The following NEDD4L variants were observed in gnomAD, a reference collection of about 807,000 sequenced individuals.
NEDD4L encodes the protein NEDD4 like E3 ubiquitin protein ligase.
NEDD4L carries 54 observed loss-of-function variants against 148.9 expected under a neutral mutation model. That is an observed-to-expected ratio of 0.36 (90% confidence interval 0.29 to 0.45). The LOEUF is 0.45. NEDD4L is among the 20% of genes least tolerant of loss of function. The pLI is 1.00. For missense variants in NEDD4L, 856 were observed against 1,233.8 expected, an observed-to-expected ratio of 0.69 and a Z score of 4.59; for synonymous variants, 433 against 440.7, an observed-to-expected ratio of 0.98 and a Z score of 0.22.
chr18:58,223,304 A>G lies in NEDD4L; in HGVS notation c.123-22123A>G, dbSNP rs17833779. 3.4e-3 allele frequency among the ~76,000 whole-genome samples: 513 copies of G among 152,298 alleles called. 5 individuals are homozygous for G. The highest frequency in any genetic ancestry group is 0.024 in the Admixed American group (374 of 15,294). ...CAACTAAATGTTGATTTAAAACGAC[A>G]CATTTGGGACATTTTCTTGGCACTG... On this transcript the variant is annotated intron_variant, in intron 2 of 30. Transcript: ENST00000400345.
chr18:58,147,411 T>G (rs904212289), intron 1 of NEDD4L, among the ~76,000 whole-genome samples: 7 of 152,168 alleles, frequency 4.6e-5, no homozygotes, highest in Admixed American at 2.0e-4. Flanking sequence ...GGGGGCAGAA[T>G]CACCCCCTCC....
At chr18:58,286,368 T>A (rs2053904979) in intron 5 of NEDD4L, among the ~76,000 whole-genome samples, 1 of 152,152 alleles carries the variant, frequency 6.6e-6, no homozygotes, top group Non-Finnish European at 1.5e-5. Flanking sequence ...TTGGAAAAAA[T>A]TTGTTGTCCT....
intron 1 of NEDD4L, among the ~76,000 whole-genome samples, chr18:58,111,562 A>G (rs577441236): frequency 1.3e-5 from 2 of 152,266 alleles, no homozygotes; most frequent in South Asian, 2.1e-4. Flanking sequence ...GCTTCTTTCA[A>G]TTAGTGGAGT....
chr18:58,367,387 G>C (rs2046252767), intron 21 of NEDD4L, among the ~76,000 whole-genome samples: 1 of 152,192 alleles, frequency 6.6e-6, no homozygotes, highest in African/African-American at 2.4e-5. Flanking sequence ...TCATCACAGA[G>C]ACGACCTAAA....
rs915951201 is a variant in NEDD4L at position 58,057,427 on chromosome 18, C to T, written c.48+12719C>T. 4.6e-5 allele frequency among the ~76,000 whole-genome samples: 7 copies of T among 152,110 alleles called. No homozygotes were observed. In the East Asian group the frequency reaches 5.8e-4, roughly 13 times the overall value. On this transcript the variant is annotated intron_variant, in intron 1 of 30. Coordinates refer to ENST00000400345, the MANE Select transcript of NEDD4L (RefSeq NM_001144967.3). ...CTGGCTGAACAGGAACAGCTGGGAG[C>T]GTTTGCTTTGGTCAGCCGGTCTGGC...
At chr18:58,137,724 T>TA (rs2146074696) in intron 1 of NEDD4L, among the ~76,000 whole-genome samples, 1 of 152,272 alleles carries the variant, frequency 6.6e-6, no homozygotes, top group East Asian at 1.9e-4. Flanking sequence ...TCCAACCACA[T>TA]ACCCTGTCGC....
At chr18:58,331,529 T>C (rs545318633) in intron 11 of NEDD4L, among the ~76,000 whole-genome samples, 2 of 152,328 alleles carry the variant, frequency 1.3e-5, no homozygotes, top group East Asian at 3.9e-4. Flanking sequence ...AGAAACATAC[T>C]TTCTAGAAGC....
chr18:58,190,479 A>G (rs1458388259), intron 2 of NEDD4L, among the ~76,000 whole-genome samples: 1 of 152,224 alleles, frequency 6.6e-6, no homozygotes, highest in Non-Finnish European at 1.5e-5. Context: ...ATTGGTTTGT[A>G]TAATTTGATC....
At chr18:58,130,479 G>A (rs71355679) in intron 1 of NEDD4L, among the ~76,000 whole-genome samples, 6 of 121,712 alleles carry the variant, frequency 4.9e-5, no homozygotes, top group South Asian at 3.2e-4. Context: ...GAACTGTGGC[G>A]GTGTTGGGCT....
intron 5 of NEDD4L, among the ~76,000 whole-genome samples, chr18:58,270,178 C>T (rs572087871): frequency 1.3e-5 from 2 of 152,306 alleles, no homozygotes; most frequent in East Asian, 1.9e-4. Context: ...GATAACTCCA[C>T]GTCTTGAAAG....
chr18:58,323,407 T>A (rs938352935), intron 8 of NEDD4L, 73 bp downstream of exon 8: 1 of 830,610 alleles, frequency 1.2e-6, no homozygotes, highest in Non-Finnish European at 2.0e-6. Flanking sequence ...ACTTTATAAT[T>A]GAAGGAAATA....
At position 58,400,924 on chromosome 18, in the gene NEDD4L, T is replaced by C. The variant is rs1425120352; in HGVS notation, c.*4655T>C. On this transcript the variant is annotated 3_prime_UTR_variant, in exon 31 of 31. Transcript: ENST00000400345. ...TATATACATATATACGTACATATGCTGTCCAAATATATTTGTATATATTTG... is the reference window on the plus strand; with the variant it reads ...TATATACATATATACGTACATATGCCGTCCAAATATATTTGTATATATTTG... 1 of 152,236 alleles carries C rather than the reference T, an allele frequency of 6.6e-6. No individual in the cohort carries two copies. Among genetic ancestry groups the C allele is most frequent in the Admixed American group, 6.5e-5 (1 of 15,284 alleles). 9.4% of individuals were successfully genotyped at this position (152,236 alleles called of 1,614,324 possible).
chr18:58,247,601 CCTT>C (rs1045484274), intron 3 of NEDD4L: 2 of 152,482 alleles, frequency 1.3e-5, no homozygotes, highest in African/African-American at 4.8e-5. Flanking sequence ...GGTTTGCCCT[CCTT>C]CTCCTGCTGC....
At chr18:58,293,309 T>C (rs1319455499) in intron 5 of NEDD4L, among the ~76,000 whole-genome samples, 1 of 152,222 alleles carries the variant, frequency 6.6e-6, no homozygotes, top group East Asian at 1.9e-4. Flanking sequence ...TGATGAGAAA[T>C]GGCTTGTGCT....
intron 16 of NEDD4L, among the ~76,000 whole-genome samples, chr18:58,347,123 T>C (rs1464043308): frequency 2.0e-5 from 3 of 151,766 alleles, no homozygotes; most frequent in South Asian, 2.1e-4. Context: ...TCTTTGAAAT[T>C]CGGTTGACTT....
At chr18:58,090,182 G>A (rs572954987) in intron 1 of NEDD4L, among the ~76,000 whole-genome samples, 4 of 152,268 alleles carry the variant, frequency 2.6e-5, no homozygotes, top group African/African-American at 9.6e-5. Flanking sequence ...GTGGTTCTTA[G>A]TTAGCCTCAC....
At chr18:58,200,042 T>C (rs147736320) in intron 2 of NEDD4L, among the ~76,000 whole-genome samples, 1,611 of 152,350 alleles carry the variant, frequency 0.011, 10 homozygotes, top group Non-Finnish European at 0.016. Flanking sequence ...ACAAAATTGC[T>C]GCCATTTTGT....
chr18:58,331,881 C>T (rs2059818234), intron 11 of NEDD4L, among the ~76,000 whole-genome samples: 1 of 152,140 alleles, frequency 6.6e-6, no homozygotes, highest in Non-Finnish European at 1.5e-5. Flanking sequence ...ACAGTATACG[C>T]CTCTATTACA....
In NEDD4L at chr18:58,360,461, T is replaced by C. The variant is rs1333553020; in HGVS notation, c.1767+3209T>C. ...CTTTAAGCTTTTTTTGTAATCTCTT[T>C]ATCAGTTCATTGTGTTTATTATTTC... On this transcript the variant is annotated intron_variant, in intron 19 of 30. Coordinates refer to ENST00000400345, the MANE Select transcript of NEDD4L (RefSeq NM_001144967.3). 2.0e-5 allele frequency among the ~76,000 whole-genome samples: 3 copies of C among 152,210 alleles called. No individual in the cohort carries two copies. In the South Asian group the frequency reaches 6.2e-4, roughly 31 times the overall value.
Sources: allele counts gnomAD v4.1 joint callset (sites outside exome capture counted in the v4.1 genomes callset), GRCh38; gene constraint gnomAD v4.1.1; transcripts MANE v1.5; gene names NCBI Gene and HGNC (gene_info 2026-07-23, HGNC 2026-07-21).